Variants in KIDINS220 observed in about 807,000 individuals in gnomAD.
The protein encoded by KIDINS220 is kinase D-interacting substrate of 220 kDa.
Under a neutral mutation model 157.6 loss-of-function variants are expected in KIDINS220, and 63 were observed. The observed-to-expected ratio is 0.40, with a 90% CI of 0.33 to 0.49. KIDINS220 has a LOEUF of 0.49. KIDINS220 is among the 20% of genes least tolerant of loss of function. KIDINS220 has a pLI of 0.66. For synonymous variants in KIDINS220, 732 were observed against 783.6 expected (o/e 0.93, Z 1.10); for missense variants, 1,772 against 2,171.2 (o/e 0.82, Z 3.65).
intron 21 of KIDINS220, among the ~76,000 whole-genome samples, chr2:8,776,528 A>C (rs2148194817): frequency 6.6e-6 from 1 of 152,334 alleles, no homozygotes; most frequent in Non-Finnish European, 1.5e-5. Flanking sequence ...TAAATAATAA[A>C]GTTTTAAAAT....
At chr2:8,813,465 T>C (rs1676617082) in intron 4 of KIDINS220, 130 bp from the exon 5 acceptor site, 2 of 613,578 alleles carry the variant, frequency 3.3e-6, no homozygotes, top group South Asian at 2.7e-5. Flanking sequence ...TATTATATAG[T>C]TCTAAATTCC....
At chr2:8,817,302 A>G (rs1285171351) in intron 4 of KIDINS220, among the ~76,000 whole-genome samples, 2 of 152,188 alleles carry the variant, frequency 1.3e-5, no homozygotes, top group Non-Finnish European at 2.9e-5. Context: ...TGTCCCTCCT[A>G]AAGTCCTACC....
At chr2:8,743,816 G>T (rs1665968609) in intron 26 of KIDINS220, among the ~76,000 whole-genome samples, 1 of 152,138 alleles carries the variant, frequency 6.6e-6, no homozygotes, top group African/African-American at 2.4e-5. Context: ...TTTACAAACT[G>T]GAGTTTTGAT....
At position 8,747,185 on chromosome 2, in the gene KIDINS220, T is replaced by C. The variant is rs780186881; in HGVS notation, c.3545A>G (p.Asp1182Gly). 2.5e-6 allele frequency: 4 copies of C among 1,614,034 alleles called. No homozygotes were observed. The highest frequency in any genetic ancestry group is 1.3e-5 in the African/African-American group (1 of 74,988). Residue 1182 changes from aspartate to glycine, a missense_variant, in exon 26 of 30, where the codon GAT becomes GGT. Transcript: ENST00000256707. ...GGGTGAAGAAAGCCCCTCAGCAGCA[T>C]CCTCCTTGATAACTTCCTAACAACA... ...QNNGLEVIKEDAAEGLSSPTD... is the reference protein window; with the variant it reads ...QNNGLEVIKEGAAEGLSSPTD...
intron 26 of KIDINS220, 105 bp from the exon 27 acceptor site, chr2:8,737,104 G>GT: frequency 9.1e-7 from 1 of 1,098,446 alleles, no homozygotes; most frequent in Non-Finnish European, 1.3e-6. Context: ...ATGAAGTAAA[G>GT]TAAAAAAAAA....
intron 24 of KIDINS220, 28 bp from the exon 25 acceptor site, chr2:8,748,028 G>A: frequency 7.6e-7 from 1 of 1,317,330 alleles, no homozygotes; most frequent in Non-Finnish European, 1.0e-6. Context: ...ACAAAAAAGG[G>A]GTAAACAATT....
intron 26 of KIDINS220, among the ~76,000 whole-genome samples, chr2:8,743,445 C>A (rs577750868): frequency 3.3e-5 from 5 of 152,304 alleles, no homozygotes; most frequent in Non-Finnish European, 5.9e-5. Context: ...TTAAAGTATG[C>A]TAAGGCTGAC....
chr2:8,824,612 C>G (rs1047653365), intron 2 of KIDINS220, among the ~76,000 whole-genome samples: 1 of 152,036 alleles, frequency 6.6e-6, no homozygotes, highest in African/African-American at 2.4e-5. Flanking sequence ...CCTGGGAGGT[C>G]GAGGCTGCAG....
chr2:8,771,579 T>C (rs1343527359), intron 21 of KIDINS220, among the ~76,000 whole-genome samples: 1 of 152,224 alleles, frequency 6.6e-6, no homozygotes, highest in African/African-American at 2.4e-5. Flanking sequence ...TCAAACATTG[T>C]CAATTTTACT....
intron 6 of KIDINS220, among the ~76,000 whole-genome samples, chr2:8,807,984 C>G (rs66495150): frequency 1.3e-5 from 2 of 152,028 alleles, no homozygotes; most frequent in Non-Finnish European, 2.9e-5. Context: ...ATTAGCCAGG[C>G]GTGGTGGTAT....
intron 17 of KIDINS220, 87 bp downstream of exon 17, chr2:8,785,654 G>C (rs983382718): frequency 2.4e-5 from 26 of 1,064,770 alleles, no homozygotes; most frequent in Admixed American, 7.0e-5. Flanking sequence ...TTAACATTTA[G>C]AGAGTGTACT....
chr2:8,751,075 T>A (rs1321741812), intron 23 of KIDINS220, among the ~76,000 whole-genome samples: 2 of 151,942 alleles, frequency 1.3e-5, no homozygotes, highest in African/African-American at 2.4e-5. Flanking sequence ...TGGATAGAGA[T>A]CCCTGTTAAG....
Position 8,731,563 on chromosome 2 carries a change from G to A in KIDINS220, c.4473C>T (p.Leu1491=). The A allele has an allele frequency of 6.2e-7, 1 of 1,614,142 alleles. No homozygotes were observed. The highest frequency in any genetic ancestry group is 8.5e-7 in the Non-Finnish European group (1 of 1,180,008). ...EKSDQSGSKL[L]PGKKSSERSS... is the part of the protein sequence containing the mutation. ...ACCTTTCGGAAGATTTCTTGCCTGG[G>A]AGAAGCTTACTGCCTGACTGATCTG... Residue 1491 remains leucine, a synonymous_variant, in exon 30 of 30, where the codon CTC becomes CTT. Transcript: ENST00000256707. This position sits in a 1 kb window ranked among gnomAD's most constrained non-coding sequence, Gnocchi z 5.2.
rs945675397 is a variant in KIDINS220, at chr2:8,761,178, T to C, written c.3011+9492A>G. On this transcript the variant is annotated intron_variant, in intron 22 of 29. Coordinates refer to ENST00000256707, the MANE Select transcript of KIDINS220 (RefSeq NM_020738.4). ...TTGCTACCAAGTGATGAATTGTCCA[T>C]GCAATTGTCGTCTTTAAGAAATCTA... Among the ~76,000 whole-genome samples, 3 of 152,184 alleles carry C rather than the reference T, an allele frequency of 2.0e-5. No homozygotes were observed. The South Asian group carries it at 6.2e-4, about 31-fold the overall frequency.
rs76091236 is a variant in KIDINS220 at position 8,822,357 on chromosome 2, C to G, written c.109-3564G>C. Among the ~76,000 whole-genome samples, 556 of 152,282 alleles carry G rather than the reference C, an allele frequency of 3.7e-3. 5 individuals are homozygous for G. The highest frequency in any genetic ancestry group is 0.013 in the African/African-American group (531 of 41,552). On this transcript the variant is annotated intron_variant, in intron 2 of 29. Coordinates refer to ENST00000256707, the MANE Select transcript of KIDINS220 (RefSeq NM_020738.4). ...TATTTACAGGCCAGGCGCAGTGACT[C>G]TCATGCCTGTAATCCTAGCACTTTG... is the stretch of plus-strand genomic sequence containing the variant.
At position 8,731,024 on chromosome 2, in the gene KIDINS220, T is replaced by C. The variant is rs1453222836; in HGVS notation, c.5012A>G (p.Gln1671Arg). 1 of 1,614,124 alleles carries C rather than the reference T, an allele frequency of 6.2e-7. No individual in the cohort carries two copies. The highest frequency in any genetic ancestry group is 8.5e-7 in the Non-Finnish European group (1 of 1,180,048). Reference sequence around the variant, plus strand: ...AGTTCGGTTCAGGTTGTAGGCTTTCTGGCATGCAGGCCAGTTTTCTTCAGG... The same window carrying C: ...AGTTCGGTTCAGGTTGTAGGCTTTCCGGCATGCAGGCCAGTTTTCTTCAGG... ...SSPEENWPACQKAYNLNRTPS... is the reference protein window; with the variant it reads ...SSPEENWPACRKAYNLNRTPS... Residue 1671 changes from glutamine (Q) to arginine (R), a missense_variant, in exon 30 of 30, where the codon CAG becomes CGG. Coordinates refer to ENST00000256707, the MANE Select transcript of KIDINS220 (RefSeq NM_020738.4). This position sits in a 1 kb window ranked among gnomAD's most constrained non-coding sequence, Gnocchi z 5.2.
intron 21 of KIDINS220, among the ~76,000 whole-genome samples, chr2:8,775,818 G>A (rs1670889002): frequency 6.6e-6 from 1 of 152,112 alleles, no homozygotes; most frequent in African/African-American, 2.4e-5. Flanking sequence ...GAGTGAGAGG[G>A]AAGGCCATCT....
intron 9 of KIDINS220, among the ~76,000 whole-genome samples, chr2:8,799,559 C>A (rs1427001846): frequency 6.6e-6 from 1 of 152,184 alleles, no homozygotes; most frequent in East Asian, 1.9e-4. Flanking sequence ...TTTTGCTAGG[C>A]AATCAATCAT....
intron 24 of KIDINS220, 30 bp from the exon 25 acceptor site, chr2:8,748,030 T>C: frequency 7.7e-7 from 1 of 1,305,440 alleles, no homozygotes; most frequent in South Asian, 1.4e-5. Context: ...AAAAAAGGGG[T>C]AAACAATTAC....
Sources: allele counts gnomAD v4.1 joint callset (sites outside exome capture counted in the v4.1 genomes callset), GRCh38; gene constraint gnomAD v4.1.1; non-coding constraint Gnocchi (gnomAD v3.1); transcripts MANE v1.5; gene names NCBI Gene and HGNC (gene_info 2026-07-23, HGNC 2026-07-21).